The following EPHA6 variants were observed in gnomAD, a reference collection of about 807,000 sequenced individuals.
The protein encoded by EPHA6 is EPH receptor A6, also known as ephrin type-A receptor 6.
Under a neutral mutation model 112.0 loss-of-function variants are expected in EPHA6, and 50 were observed. That is an observed-to-expected ratio of 0.45 (90% CI 0.36 to 0.56). The LOEUF (loss-of-function observed/expected upper bound fraction) is 0.56. Among genes scored for constraint, EPHA6 ranks in the 20% least tolerant of loss-of-function variants. The pLI, the probability that EPHA6 is intolerant of heterozygous loss-of-function variation, is 0.00. For synonymous variants in EPHA6, 529 were observed against 490.7 expected (o/e 1.08, Z -1.03); for missense variants, 1,280 against 1,417.4 (o/e 0.90, Z 1.56).
chr3:97,180,677 C>A (rs957981598), intron 3 of EPHA6, among the ~76,000 whole-genome samples: 3 of 152,042 alleles, frequency 2.0e-5, no homozygotes, highest in Non-Finnish European at 4.4e-5. Context: ...ATGGGAGACT[C>A]ACAACTCTGA....
intron 5 of EPHA6, among the ~76,000 whole-genome samples, chr3:97,268,022 A>G (rs1385515798): frequency 2.0e-5 from 3 of 152,144 alleles, no homozygotes; most frequent in Non-Finnish European, 4.4e-5. Context: ...TGGTTGAACT[A>G]TTCAGTGATA....
At chr3:97,612,222 T>C (rs2093726159) in intron 13 of EPHA6, among the ~76,000 whole-genome samples, 1 of 152,088 alleles carries the variant, frequency 6.6e-6, no homozygotes, top group Admixed American at 6.6e-5. Flanking sequence ...AAATGCTGTG[T>C]ACTTAGTACT....
intron 3 of EPHA6, among the ~76,000 whole-genome samples, chr3:97,081,974 G>A (rs907531505): frequency 2.0e-5 from 3 of 151,498 alleles, no homozygotes; most frequent in Non-Finnish European, 4.4e-5. Context: ...TTTGTAAATT[G>A]AGAAGCTTTT....
At chr3:97,141,253 G>A (rs1642239891) in intron 3 of EPHA6, among the ~76,000 whole-genome samples, 2 of 152,042 alleles carry the variant, frequency 1.3e-5, no homozygotes, top group South Asian at 4.1e-4. Context: ...ACACCCCACT[G>A]ACAGCACTGG....
intron 3 of EPHA6, among the ~76,000 whole-genome samples, chr3:97,019,877 T>C (rs1307939004): frequency 6.6e-6 from 1 of 152,196 alleles, no homozygotes; most frequent in African/African-American, 2.4e-5. Flanking sequence ...GTGTGTAGTA[T>C]TTGTATATAG....
At chr3:97,269,153 C>T (rs1433399232) in intron 5 of EPHA6, among the ~76,000 whole-genome samples, 1 of 152,214 alleles carries the variant, frequency 6.6e-6, no homozygotes, top group East Asian at 1.9e-4. Context: ...TTTAGATACA[C>T]ATACGCCAAT....
Position 97,748,695 on chromosome 3 carries a change from T to C in EPHA6, c.3387T>C (p.His1129=), listed in dbSNP as rs775191642. The change falls in exon 18 of 18, where the codon CAT becomes CAC. Residue 1129 remains histidine, a synonymous_variant. Coordinates refer to ENST00000389672, the MANE Select transcript of EPHA6 (RefSeq NM_001080448.3). ...HMMHIQEKGF[H]V ...TGCACATACAGGAGAAGGGATTTCATGTATGAAAGTACCACAAGCACCTGT... is the reference window on the plus strand; with the variant it reads ...TGCACATACAGGAGAAGGGATTTCACGTATGAAAGTACCACAAGCACCTGT... 6.4e-7 allele frequency: 1 copy of C among 1,552,810 alleles called. No homozygotes were observed. Among genetic ancestry groups the C allele is most frequent in the South Asian group, 1.1e-5 (1 of 89,434 alleles).
At chr3:97,070,382 G>A (rs1386683125) in intron 3 of EPHA6, among the ~76,000 whole-genome samples, 3 of 151,994 alleles carry the variant, frequency 2.0e-5, no homozygotes, top group Non-Finnish European at 4.4e-5. Flanking sequence ...TGTTTAGTTG[G>A]CTAAATGAAT....
intron 2 of EPHA6, among the ~76,000 whole-genome samples, chr3:96,954,141 T>A (rs1226017670): frequency 6.6e-6 from 1 of 152,132 alleles, no homozygotes; most frequent in Admixed American, 6.5e-5. Context: ...CCCAAAGTGC[T>A]GGGATTACGG....
At chr3:97,538,985 TTCTTTC>T (rs1333028544) in intron 11 of EPHA6, among the ~76,000 whole-genome samples, 1 of 83,206 alleles carries the variant, frequency 1.2e-5, no homozygotes, top group Non-Finnish European at 2.7e-5. Context: ...TTCTCTCTCT[TTCTTTC>T]TTTCTTTCTT....
Position 97,645,163 on chromosome 3 carries a change from A to G in EPHA6, c.2784+7081A>G, listed in dbSNP as rs301944. ...CATTTGACCCAGCCATCCCATTACT[A>G]GGTATATACCCAAAGGACTATAAAT... On this transcript the variant is annotated intron_variant, in intron 14 of 17. Transcript: ENST00000389672. Among the ~76,000 whole-genome samples the G allele has an allele frequency of 2.0e-5, 3 of 151,890 alleles. No individual in the cohort carries two copies. In the East Asian group the frequency reaches 5.8e-4, roughly 30 times the overall value.
intron 4 of EPHA6, among the ~76,000 whole-genome samples, chr3:97,233,233 C>T (rs990388109): frequency 4.6e-5 from 7 of 151,848 alleles, no homozygotes; most frequent in South Asian, 2.1e-4. Context: ...GCTGCCTACT[C>T]CATCAATATC....
intron 10 of EPHA6, among the ~76,000 whole-genome samples, chr3:97,516,966 TG>T (rs2107607411): frequency 6.6e-6 from 1 of 152,206 alleles, no homozygotes; most frequent in South Asian, 2.1e-4. Flanking sequence ...TACTAGGTGC[TG>T]TGGAAACAAC....
intron 14 of EPHA6, among the ~76,000 whole-genome samples, chr3:97,653,001 A>G (rs1323849671): frequency 2.0e-5 from 3 of 152,006 alleles, no homozygotes; most frequent in African/African-American, 7.2e-5. Context: ...TGTCCCCACA[A>G]TCACACAAAC....
In EPHA6 at chr3:97,314,588, A is replaced by G. The variant is rs74952257; in HGVS notation, c.1606+70301A>G. On this transcript the variant is annotated intron_variant, in intron 5 of 17. Transcript: ENST00000389672. ...CTGAAACCACCAGCATCCACTAAAA[A>G]TCTTCATTCTGAATCACAATCTCAA... Among the ~76,000 whole-genome samples the G allele has an allele frequency of 2.7e-4, 41 of 151,864 alleles. No individual in the cohort carries two copies. In the East Asian group the frequency reaches 7.9e-3, roughly 29 times the overall value.
intron 1 of EPHA6, among the ~76,000 whole-genome samples, chr3:96,841,061 C>T (rs978403336): frequency 1.3e-5 from 2 of 151,738 alleles, no homozygotes; most frequent in African/African-American, 2.4e-5. Flanking sequence ...AGGTGGTAGG[C>T]GAACGTTTGG....
intron 5 of EPHA6, among the ~76,000 whole-genome samples, chr3:97,270,133 A>G (rs2079830993): frequency 6.6e-6 from 1 of 152,246 alleles, no homozygotes; most frequent in Non-Finnish European, 1.5e-5. Flanking sequence ...GCTAAAAATA[A>G]TGATCACATT....
In EPHA6 at chr3:97,753,531, G is replaced by T. The variant is rs1306784801; in HGVS notation, c.*4830G>T. The stretch of plus-strand genomic sequence containing the variant: ...CTCATTAACAGTTGATCCTCTTCAG[G>T]AGTCACAGATTTTTATTGTCTGATA... On this transcript the variant is annotated 3_prime_UTR_variant, in exon 18 of 18. Transcript: ENST00000389672. Among the ~76,000 whole-genome samples the T allele has an allele frequency of 6.6e-6, 1 of 152,018 alleles. No homozygotes were observed. Among genetic ancestry groups the T allele is most frequent in the Non-Finnish European group, 1.5e-5 (1 of 67,978 alleles).
intron 3 of EPHA6, among the ~76,000 whole-genome samples, chr3:97,070,498 C>A (rs963011649): frequency 6.6e-6 from 1 of 152,098 alleles, no homozygotes; most frequent in South Asian, 2.1e-4. Flanking sequence ...GCCTTGACAT[C>A]TTGATATACT....
Sources: gnomAD v4.1 joint callset for allele counts (sites outside exome capture counted in the v4.1 genomes callset) on GRCh38, gnomAD v4.1.1 for gene constraint, MANE v1.5 for transcripts, NCBI Gene and HGNC (gene_info 2026-07-23, HGNC 2026-07-21) for gene names.